The following CLMN variants were observed in gnomAD, a reference collection of about 807,000 sequenced individuals.
CLMN encodes the protein calmin.
A neutral mutation model predicts 92.7 loss-of-function variants in CLMN; 57 were observed. The ratio of observed to expected loss-of-function variants is 0.61; its 90% CI spans 0.50 to 0.77. The LOEUF (loss-of-function observed/expected upper bound fraction) is 0.77, where lower values mean the gene tolerates loss of function less well. Among genes scored for constraint, CLMN ranks in the 30% least tolerant of loss-of-function variants. CLMN has a pLI of 0.00. For synonymous variants in CLMN, 466 were observed against 470.6 expected (o/e 0.99, Z 0.13); for missense variants, 1,158 against 1,237.5 (o/e 0.94, Z 0.96).
In CLMN at chr14:95,203,782, G is replaced by A. The variant is rs1353123176; in HGVS notation, c.1567C>T (p.His523Tyr). ...ESTARHDEES[H>Y]SLSPPGENTV... Reference sequence around the variant, plus strand: ...TTTTCTCCTGGGGGTGAAAGAGAGTGACTTTCTTCATCGTGGCGGGCTGTA... The same window carrying A: ...TTTTCTCCTGGGGGTGAAAGAGAGTAACTTTCTTCATCGTGGCGGGCTGTA... The change falls in exon 9 of 13, where the codon CAC becomes TAC. Residue 523 changes from histidine (H) to tyrosine (Y), a missense_variant. His to Tyr is a moderately conservative substitution (Grantham distance 83, BLOSUM62 2). Coordinates refer to ENST00000298912, the MANE Select transcript of CLMN (RefSeq NM_024734.4). 8.7e-6 allele frequency: 14 copies of A among 1,613,980 alleles called. No individual in the cohort carries two copies. The highest frequency in any genetic ancestry group is 1.2e-5 in the Non-Finnish European group (14 of 1,179,984).
chr14:95,223,742 C>G lies in CLMN; in HGVS notation c.240+18G>C, dbSNP rs1442479213. ...CTTTGCATTTTCTTTCTTTCTGACC[C>G]TTCTGTAACATACGTACCAGATTCC... is the stretch of plus-strand genomic sequence containing the variant. On this transcript the variant is annotated intron_variant, in intron 3 of 12. Transcript: ENST00000298912. 1 of 1,587,008 alleles carries G rather than the reference C, an allele frequency of 6.3e-7. No homozygotes were observed. The highest frequency in any genetic ancestry group is 2.2e-5 in the East Asian group (1 of 44,702).
At chr14:95,272,143 T>C (rs1220747471) in intron 1 of CLMN, among the ~76,000 whole-genome samples, 2 of 152,318 alleles carry the variant, frequency 1.3e-5, no homozygotes, top group South Asian at 2.1e-4. Flanking sequence ...ACGTTTCGTT[T>C]GTGGGTAGGG....
chr14:95,262,404 C>T (rs1024160475), intron 1 of CLMN, among the ~76,000 whole-genome samples: 2 of 152,142 alleles, frequency 1.3e-5, no homozygotes, highest in African/African-American at 2.4e-5. Flanking sequence ...AAGAGTCAAC[C>T]AAAAGATATC....
intron 9 of CLMN, among the ~76,000 whole-genome samples, chr14:95,201,700 T>G (rs1236325072): frequency 6.6e-6 from 1 of 152,030 alleles, no homozygotes; most frequent in Non-Finnish European, 1.5e-5. Flanking sequence ...AAGGCCCGCA[T>G]GCATTAGATA....
intron 1 of CLMN, among the ~76,000 whole-genome samples, chr14:95,253,616 T>G (rs868474336): frequency 0.042 from 4,954 of 119,104 alleles, 152 homozygotes; most frequent in African/African-American, 0.11. Context: ...TTTGTTTTTT[T>G]GTTTTTTTTT....
chr14:95,231,709 G>A (rs567006464), intron 1 of CLMN, among the ~76,000 whole-genome samples: 1 of 152,314 alleles, frequency 6.6e-6, no homozygotes, highest in Admixed American at 6.5e-5. Flanking sequence ...AGGCAGAGCT[G>A]GGAATCCCCA....
At chr14:95,251,116 G>A (rs768987609) in intron 1 of CLMN, among the ~76,000 whole-genome samples, 8 of 152,124 alleles carry the variant, frequency 5.3e-5, no homozygotes, top group South Asian at 4.2e-4. Context: ...CGCATTTGGC[G>A]TCTGCACTCA....
At chr14:95,248,374 T>C (rs2140672833) in intron 1 of CLMN, among the ~76,000 whole-genome samples, 1 of 152,350 alleles carries the variant, frequency 6.6e-6, no homozygotes, top group South Asian at 2.1e-4. Context: ...ACTCAAATAT[T>C]TCTGATCCCC....
At chr14:95,269,614 C>T (rs751990262) in intron 1 of CLMN, among the ~76,000 whole-genome samples, 6 of 152,304 alleles carry the variant, frequency 3.9e-5, no homozygotes, top group South Asian at 2.1e-4. Flanking sequence ...ACCTTGGTTG[C>T]GGCCCATAGG....
chr14:95,210,910 T>C, intron 6 of CLMN, 31 bp from the exon 7 acceptor site: 1 of 1,490,134 alleles, frequency 6.7e-7, no homozygotes, highest in Non-Finnish European at 8.9e-7. Flanking sequence ...GCGGCCAGGA[T>C]GCTGGTTAGT....
At chr14:95,306,006 C>T (rs969601699) in intron 1 of CLMN, among the ~76,000 whole-genome samples, 1 of 152,128 alleles carries the variant, frequency 6.6e-6, no homozygotes, top group East Asian at 1.9e-4. Context: ...GTAAATCTAC[C>T]ACCCAGGCAC....
chr14:95,235,763 CA>C (rs1433845097), intron 1 of CLMN, among the ~76,000 whole-genome samples: 1 of 152,202 alleles, frequency 6.6e-6, no homozygotes, highest in African/African-American at 2.4e-5. Flanking sequence ...TCCATCCAGA[CA>C]GGTCCACCGG....
chr14:95,191,560 CG>C lies in CLMN; in HGVS notation c.*3del. The stretch of plus-strand genomic sequence containing the variant: ...CTGTCTTTTTTATTATCCAGACACA[CG>C]TATCAGAGCCTGCTAACATCCAGTT... On this transcript the variant is annotated 3_prime_UTR_variant, in exon 13 of 13. Transcript: ENST00000298912. This position sits in a 1 kb window ranked among gnomAD's most constrained non-coding sequence, Gnocchi z 5.3. The C allele has an allele frequency of 6.2e-7, 1 of 1,608,192 alleles. No homozygotes were observed. The highest frequency in any genetic ancestry group is 8.5e-7 in the Non-Finnish European group (1 of 1,177,476).
rs1897316410 is a variant in CLMN, at chr14:95,215,647, G to A, written c.411C>T (p.Phe137=). 6.2e-7 allele frequency: 1 copy of A among 1,613,172 alleles called. No homozygotes were observed. The highest frequency in any genetic ancestry group is 8.5e-7 in the Non-Finnish European group (1 of 1,179,098). ...GGAAAAGAAATGATCTTACCTGGAA[G>A]AAGAGGATTATGTTCCATATCAGCC... ...VLGLIWNIIL[F]FQIKELTGNL... The change falls in exon 5 of 13, where the codon TTC becomes TTT. Residue 137 remains phenylalanine (F), a synonymous_variant. Coordinates refer to ENST00000298912, the MANE Select transcript of CLMN (RefSeq NM_024734.4).
Position 95,221,676 on chromosome 14 carries a change from G to A in CLMN, c.324+15C>T, listed in dbSNP as rs929501818. 1 of 1,608,402 alleles carries A rather than the reference G, an allele frequency of 6.2e-7. No individual in the cohort carries two copies. The highest frequency in any genetic ancestry group is 1.7e-4 in the Middle Eastern group (1 of 6,044). On this transcript the variant is annotated intron_variant, in intron 4 of 12. Transcript: ENST00000298912. ...GGACAAGCTTGTGTTAGCAGGATGA[G>A]CTTCAAACACTTACATTGCTATCTT...
chr14:95,283,313 T>A (rs1402014184), intron 1 of CLMN, among the ~76,000 whole-genome samples: 1 of 152,234 alleles, frequency 6.6e-6, no homozygotes, highest in Non-Finnish European at 1.5e-5. Flanking sequence ...TCCCCAGCCA[T>A]GTGGAACTGT....
At chr14:95,233,708 G>A (rs891346427) in intron 1 of CLMN, among the ~76,000 whole-genome samples, 3 of 152,230 alleles carry the variant, frequency 2.0e-5, no homozygotes, top group Non-Finnish European at 4.4e-5. Context: ...TTCAGACCCC[G>A]TGAGGTACTC....
At chr14:95,296,100 T>A (rs940283918) in intron 1 of CLMN, 1 of 152,280 alleles carries the variant, frequency 6.6e-6, no homozygotes, top group African/African-American at 2.4e-5. Context: ...TGCCACAGAC[T>A]GGGTAATTTA....
intron 9 of CLMN, among the ~76,000 whole-genome samples, chr14:95,198,295 C>G (rs1241036211): frequency 6.6e-6 from 1 of 151,788 alleles, no homozygotes; most frequent in East Asian, 1.9e-4. Context: ...GGTGGTCCAC[C>G]CACTTCAGCC....
Sources: gnomAD v4.1 joint callset for allele counts (sites outside exome capture counted in the v4.1 genomes callset) on GRCh38, gnomAD v4.1.1 for gene constraint, Gnocchi (gnomAD v3.1) non-coding constraint, MANE v1.5 for transcripts, NCBI Gene and HGNC (gene_info 2026-07-23, HGNC 2026-07-21) for gene names.